Variants in VPS13B observed in about 807,000 individuals in gnomAD.
VPS13B encodes vacuolar protein sorting 13 homolog B, also known as intermembrane lipid transfer protein VPS13B.
Under a neutral mutation model 426.4 loss-of-function variants are expected in VPS13B, and 285 were observed. The observed-to-expected ratio is 0.67, with a 90% CI of 0.61 to 0.74. The LOEUF (loss-of-function observed/expected upper bound fraction) is 0.74, where lower values mean the gene tolerates loss of function less well. Among genes scored for constraint, VPS13B ranks in the 30% least tolerant of loss-of-function variants. The pLI is 0.00. For missense variants in VPS13B, 4,537 were observed against 4,782.6 expected (o/e 0.95, Z 1.51); for synonymous variants, 1,676 against 1,676.4 (o/e 1.00, Z 0.01).
chr8:99,263,803 C>G (rs1818169334), intron 17 of VPS13B, among the ~76,000 whole-genome samples: 1 of 152,120 alleles, frequency 6.6e-6, no homozygotes, highest in Non-Finnish European at 1.5e-5. Flanking sequence ...TTCACAGGTC[C>G]TGAGGTTTAG....
At chr8:99,431,362 A>G (rs1385351257) in intron 21 of VPS13B, among the ~76,000 whole-genome samples, 175 bp from the exon 22 acceptor site, 2 of 152,242 alleles carry the variant, frequency 1.3e-5, no homozygotes, top group Non-Finnish European at 2.9e-5. Flanking sequence ...CTTATTTTTG[A>G]ATACTTGCAA....
chr8:99,621,907 C>T (rs1407301115), intron 33 of VPS13B, among the ~76,000 whole-genome samples: 4 of 142,382 alleles, frequency 2.8e-5, no homozygotes, highest in Non-Finnish European at 6.0e-5. Context: ...AATCTCGACT[C>T]ACTGCAACCT....
intron 43 of VPS13B, among the ~76,000 whole-genome samples, chr8:99,791,504 C>T (rs1380771635): frequency 2.0e-5 from 3 of 151,950 alleles, no homozygotes; most frequent in Non-Finnish European, 4.4e-5. Flanking sequence ...GCCAGGATCA[C>T]AGATGTATTT....
chr8:99,853,427 T>C, intron 55 of VPS13B, 24 bp from the exon 56 acceptor site: 2 of 1,610,404 alleles, frequency 1.2e-6, no homozygotes, highest in Non-Finnish European at 1.7e-6. Flanking sequence ...GGGGGACTAA[T>C]GTTCTTGTCC....
intron 19 of VPS13B, among the ~76,000 whole-genome samples, chr8:99,309,676 G>A (rs1466119477): frequency 6.6e-6 from 1 of 152,042 alleles, no homozygotes; most frequent in Non-Finnish European, 1.5e-5. Context: ...CCCTTTTTTG[G>A]TACCATATGA....
Position 99,531,268 on chromosome 8 carries a change from A to G in VPS13B, c.4745+10258A>G, listed in dbSNP as rs543660189. On this transcript the variant is annotated intron_variant, in intron 30 of 61. Coordinates refer to ENST00000357162, the MANE Select transcript of VPS13B (RefSeq NM_152564.5). ...ATGTGCTTAATACTGCATTTATTCT[A>G]CAAATATAGCTCCGTAGCTAATGAT... Among the ~76,000 whole-genome samples, 3 of 152,340 alleles carry G rather than the reference A, an allele frequency of 2.0e-5. No homozygotes were observed. The South Asian group carries it at 6.2e-4, about 32-fold the overall frequency.
chr8:99,653,004 G>A (rs1423434080), intron 34 of VPS13B, among the ~76,000 whole-genome samples: 1 of 152,082 alleles, frequency 6.6e-6, no homozygotes, highest in Admixed American at 6.5e-5. Flanking sequence ...ATGAGGAAGG[G>A]TATTAGAACA....
chr8:99,682,609 CAG>C (rs1236664145), intron 35 of VPS13B, among the ~76,000 whole-genome samples: 1 of 152,012 alleles, frequency 6.6e-6, no homozygotes, highest in Non-Finnish European at 1.5e-5. Context: ...AGACTCAGTA[CAG>C]AGTTTCTCTG....
chr8:99,631,309 A>G lies in VPS13B; in HGVS notation c.5221-10502A>G, dbSNP rs976968647. ...CTCTGATTGCCAAATGTTTGTCTAT[A>G]AAGAGGACTAGGTCCAACCCTAGAA... On this transcript the variant is annotated intron_variant, in intron 33 of 61. Coordinates refer to ENST00000357162, the MANE Select transcript of VPS13B (RefSeq NM_152564.5). 2.0e-5 allele frequency among the ~76,000 whole-genome samples: 3 copies of G among 152,104 alleles called. No individual in the cohort carries two copies. The South Asian group carries it at 6.2e-4, about 32-fold the overall frequency.
rs908940507 is a variant in VPS13B at position 99,822,426 on chromosome 8, C to T, written c.9183+944C>T. On this transcript the variant is annotated intron_variant, in intron 50 of 61. Transcript: ENST00000357162. ...TGGGCAACACATGTTTATGCTCTGA[C>T]GGCCAAAGTACTGTAACATGGGTGT... Among the ~76,000 whole-genome samples the T allele has an allele frequency of 6.6e-5, 10 of 152,130 alleles. No homozygotes were observed. The South Asian group carries it at 8.3e-4, about 13-fold the overall frequency.
chr8:99,652,267 T>G (rs138900023), intron 34 of VPS13B, among the ~76,000 whole-genome samples: 12 of 152,270 alleles, frequency 7.9e-5, no homozygotes, highest in African/African-American at 2.9e-4. Flanking sequence ...AGGCAAGTTA[T>G]TTAACCTGTT....
chr8:99,326,452 C>CTT lies in VPS13B; in HGVS notation c.2824+51227_2824+51228dup, dbSNP rs747097247. On this transcript the variant is annotated intron_variant, in intron 19 of 61. Coordinates refer to ENST00000357162, the MANE Select transcript of VPS13B (RefSeq NM_152564.5). ...ATTTCTATCTATCATCTCTAGGTAGCTTTTTTTTTTTTTTTTTTTTTTTTT... is the reference window on the plus strand; with the variant it reads ...ATTTCTATCTATCATCTCTAGGTAGCTTTTTTTTTTTTTTTTTTTTTTTTTTT... 7.0e-3 allele frequency among the ~76,000 whole-genome samples: 227 copies of CTT among 32,500 alleles called. 61 individuals carry two copies. The highest frequency in any genetic ancestry group is 0.02 in the African/African-American group (154 of 7,732). The allele number at this position is 32,500 out of a possible 152,430, so 21.3% of individuals were successfully genotyped here.
At chr8:99,326,910 A>T (rs2098113978) in intron 19 of VPS13B, among the ~76,000 whole-genome samples, 1 of 152,198 alleles carries the variant, frequency 6.6e-6, no homozygotes. Context: ...ACATGAGACC[A>T]CTTTGAATTA....
intron 17 of VPS13B, among the ~76,000 whole-genome samples, chr8:99,194,055 G>T (rs1813753365): frequency 6.6e-6 from 1 of 152,134 alleles, no homozygotes; most frequent in Non-Finnish European, 1.5e-5. Context: ...ATCACATGAG[G>T]TCAGGCGTGG....
intron 19 of VPS13B, among the ~76,000 whole-genome samples, chr8:99,332,674 A>G (rs2133158872): frequency 6.6e-6 from 1 of 151,784 alleles, no homozygotes; most frequent in Middle Eastern, 3.4e-3. Flanking sequence ...AGAAAACAAG[A>G]TGAAAGTTTT....
chr8:99,464,901 A>G (rs761049134), intron 23 of VPS13B, among the ~76,000 whole-genome samples: 11 of 152,180 alleles, frequency 7.2e-5, no homozygotes, highest in Non-Finnish European at 1.3e-4. Context: ...ATGATAATAT[A>G]GAGGGGTAAC....
chr8:99,277,895 AGTAACTGAT>A (rs1326997735), intron 19 of VPS13B, among the ~76,000 whole-genome samples: 1 of 152,226 alleles, frequency 6.6e-6, no homozygotes, highest in Non-Finnish European at 1.5e-5. Flanking sequence ...TGAATAAGCA[AGTAACTGAT>A]GATTACATTT....
At chr8:99,237,083 A>G (rs1430066999) in intron 17 of VPS13B, among the ~76,000 whole-genome samples, 1 of 152,196 alleles carries the variant, frequency 6.6e-6, no homozygotes, top group African/African-American at 2.4e-5. Context: ...GCCACCATCC[A>G]TGTAAGATGT....
At chr8:99,873,470 T>C (rs922635650) in intron 61 of VPS13B, among the ~76,000 whole-genome samples, 11 of 152,128 alleles carry the variant, frequency 7.2e-5, no homozygotes, top group African/African-American at 2.7e-4. Flanking sequence ...GGGTTGGGAT[T>C]AAGGAATGCC....
Sources: gnomAD v4.1 joint callset for allele counts (sites outside exome capture counted in the v4.1 genomes callset) on GRCh38, gnomAD v4.1.1 for gene constraint, MANE v1.5 for transcripts, NCBI Gene and HGNC (gene_info 2026-07-23, HGNC 2026-07-21) for gene names.